NUP214: variants seen among roughly 807,000 people sequenced by gnomAD.
NUP214 encodes nucleoporin 214.
A neutral mutation model predicts 196.2 loss-of-function variants in NUP214; 79 were observed. The ratio of observed to expected loss-of-function variants is 0.40; its 90% confidence interval spans 0.34 to 0.49. NUP214 has a LOEUF of 0.49. Ranked by LOEUF, NUP214 falls within the 20% of genes least tolerant of loss-of-function variation. The pLI is 0.58. For missense variants in NUP214, 2,468 were observed against 2,539.0 expected, an observed-to-expected ratio of 0.97 and a Z score of 0.60; for synonymous variants, 1,020 against 990.5, an observed-to-expected ratio of 1.03 and a Z score of -0.56.
At chr9:131,145,717 C>T (rs1416747117) in intron 12 of NUP214, among the ~76,000 whole-genome samples, 1 of 152,126 alleles carries the variant, frequency 6.6e-6, no homozygotes, top group Non-Finnish European at 1.5e-5. Flanking sequence ...TTTTTCACTC[C>T]CCAGAGAAGG....
At chr9:131,192,941 CAAAAA>C (rs34653431) in intron 27 of NUP214, among the ~76,000 whole-genome samples, 8 of 31,052 alleles carry the variant, frequency 2.6e-4, no homozygotes, top group African/African-American at 4.8e-4. Flanking sequence ...ACCCCGTCTC[CAAAAA>C]AAAAAAAAAA....
Position 131,228,465 on chromosome 9 carries a change from C to T in NUP214, c.6074+134C>T, listed in dbSNP as rs1457719694. On this transcript the variant is annotated intron_variant, in intron 33 of 35. Coordinates refer to ENST00000359428, the MANE Select transcript of NUP214 (RefSeq NM_005085.4). Reference sequence around the variant, plus strand: ...CCTTGAAATTTGTGAACAACTCCCTCAAGGATTCCTGTACCTCTCCAGGGT... The same window carrying T: ...CCTTGAAATTTGTGAACAACTCCCTTAAGGATTCCTGTACCTCTCCAGGGT... 28 of 798,530 alleles carry T rather than the reference C, an allele frequency of 3.5e-5. No homozygotes were observed. In the East Asian group the frequency reaches 9.1e-4, roughly 26 times the overall value. 49.5% of individuals were successfully genotyped at this position (798,530 alleles called of 1,614,324 possible).
At chr9:131,171,516 GTA>G (rs1456548282) in intron 21 of NUP214, among the ~76,000 whole-genome samples, 1 of 149,594 alleles carries the variant, frequency 6.7e-6, no homozygotes, top group Non-Finnish European at 1.5e-5. Context: ...GCTTAAAACA[GTA>G]CCTAGTTGTT....
intron 14 of NUP214, 155 bp from the exon 15 acceptor site, chr9:131,150,169 T>C: frequency 1.5e-6 from 1 of 652,610 alleles, no homozygotes; most frequent in Non-Finnish European, 2.6e-6. Flanking sequence ...GAACATGCCT[T>C]ACACAAAGTA....
chr9:131,233,475 C>T lies in NUP214; in HGVS notation c.6261C>T (p.Gly2087=). The T allele has an allele frequency of 1.2e-6, 2 of 1,613,476 alleles. No homozygotes were observed. Among genetic ancestry groups the T allele is most frequent in the Non-Finnish European group, 1.7e-6 (2 of 1,179,662 alleles). The stretch of plus-strand genomic sequence containing the variant: ...GCAGGTCTGTCCAGGGTTTTGGTGG[C>T]TGGCGAAGCTGAGGGCGTGTCAGCA... The part of the protein sequence containing the change: ...SNNSSVQGFG[G]WRS The change falls in exon 36 of 36, where the codon GGC becomes GGT. Residue 2087 remains glycine (G), a synonymous_variant. Coordinates refer to ENST00000359428, the MANE Select transcript of NUP214 (RefSeq NM_005085.4).
At chr9:131,175,364 T>A in intron 22 of NUP214, 96 bp from the exon 23 acceptor site, 1 of 1,397,122 alleles carries the variant, frequency 7.2e-7, no homozygotes, top group African/African-American at 1.4e-5. Flanking sequence ...ATTTTAGCAT[T>A]TTCCCTGCAG....
intron 9 of NUP214, 115 bp from the exon 10 acceptor site, chr9:131,139,166 T>C: frequency 4.2e-6 from 5 of 1,182,356 alleles, no homozygotes; most frequent in Non-Finnish European, 5.5e-6. Flanking sequence ...ACCAAGTGAG[T>C]CATCTCTGTT....
At chr9:131,139,230 CT>C in intron 9 of NUP214, 50 bp from the exon 10 acceptor site, 2 of 1,425,666 alleles carry the variant, frequency 1.4e-6, no homozygotes, top group Non-Finnish European at 1.8e-6. Flanking sequence ...ACCAACATGG[CT>C]TTTTCTTTTT....
Position 131,128,356 on chromosome 9 carries a change from T to C in NUP214, c.266T>C (p.Val89Ala). The C allele has an allele frequency of 1.2e-6, 2 of 1,613,078 alleles. No homozygotes were observed. The highest frequency in any genetic ancestry group is 1.7e-6 in the Non-Finnish European group (2 of 1,179,420). Residue 89 changes from valine (V) to alanine (A), a missense_variant, in exon 3 of 36, where the codon GTT becomes GCT. Around this residue, in one of 5 missense-constraint regions of NUP214, gnomAD observed 392 missense variants for 417.9 expected, o/e 0.94. Coordinates refer to ENST00000359428, the MANE Select transcript of NUP214 (RefSeq NM_005085.4). ...KIVDKVQGLL[V>A]PMKFPIHHLA... ...GTTGATAAAGTCCAAGGCTTGCTAG[T>C]TCCTATGAAATTCCCAATCCATCAC...
At chr9:131,152,041 TCC>T (rs1467657319) in intron 17 of NUP214, 147 bp downstream of exon 17, 1 of 613,420 alleles carries the variant, frequency 1.6e-6, no homozygotes, top group African/African-American at 1.9e-5. Context: ...CCCGTAAACT[TCC>T]TTAACTGTGG....
At chr9:131,225,654 GCTGCAGAACTCGTATTGGTT>G (rs1834699824) in intron 32 of NUP214, among the ~76,000 whole-genome samples, 1 of 152,198 alleles carries the variant, frequency 6.6e-6, no homozygotes, top group Non-Finnish European at 1.5e-5. Context: ...TCATCTCTCT[GCTGCAGAACTCGTATTGGTT>G]CTGGGAGAGC....
At chr9:131,150,135 G>A in intron 14 of NUP214, 189 bp from the exon 15 acceptor site, 1 of 526,044 alleles carries the variant, frequency 1.9e-6, no homozygotes, top group Non-Finnish European at 3.4e-6. Context: ...TCATCTACTT[G>A]TTCACCTCTA....
At chr9:131,206,193 T>C (rs1476438445) in intron 30 of NUP214, among the ~76,000 whole-genome samples, 2 of 145,952 alleles carry the variant, frequency 1.4e-5, no homozygotes, top group Non-Finnish European at 3.0e-5. Flanking sequence ...TCGTCAAGGC[T>C]GGAGTGCAGT....
At chr9:131,133,566 A>T (rs1331865846) in intron 7 of NUP214, 1 of 161,030 alleles carries the variant, frequency 6.2e-6, no homozygotes, top group East Asian at 1.7e-4. Flanking sequence ...GGCTTCTCAA[A>T]GTGCTGGGAT....
At position 131,195,310 on chromosome 9, in the gene NUP214, T is replaced by A; in HGVS notation, c.3721+16T>A. 1 of 1,600,560 alleles carries A rather than the reference T, an allele frequency of 6.2e-7. No homozygotes were observed. The highest frequency in any genetic ancestry group is 8.6e-7 in the Non-Finnish European group (1 of 1,167,656). On this transcript the variant is annotated intron_variant, in intron 28 of 35. Coordinates refer to ENST00000359428, the MANE Select transcript of NUP214 (RefSeq NM_005085.4). ...GCTGCACAAGGTACAGACTCTGTGT[T>A]GAGTAGCATTACTCATGTGTTTTCT...
chr9:131,154,553 G>A (rs571899233), intron 17 of NUP214, among the ~76,000 whole-genome samples: 1 of 152,228 alleles, frequency 6.6e-6, no homozygotes, highest in Admixed American at 6.5e-5. Flanking sequence ...CACCGTGTTG[G>A]CCAGGCTGGT....
chr9:131,150,382 A>G lies in NUP214; in HGVS notation c.2099A>G (p.Asp700Gly). 1 of 1,614,184 alleles carries G rather than the reference A, an allele frequency of 6.2e-7. No individual in the cohort carries two copies. The highest frequency in any genetic ancestry group is 8.5e-7 in the Non-Finnish European group (1 of 1,180,024). ...EKQGHQWKDS[D>G]PVMAGIGEEI... ...CAGGGACATCAGTGGAAAGATTCAG[A>G]TCCTGTAATGGCTGGAATTGGGGAG... is the stretch of plus-strand genomic sequence containing the variant. Residue 700 changes from aspartate (D) to glycine (G), a missense_variant, in exon 15 of 36, where the codon GAT becomes GGT. Around this residue, in one of 5 missense-constraint regions of NUP214, gnomAD observed 1,801 missense variants for 1,779.4 expected, o/e 1.01. Transcript: ENST00000359428.
intron 30 of NUP214, among the ~76,000 whole-genome samples, chr9:131,208,637 C>T (rs1834149917): frequency 6.6e-6 from 1 of 151,860 alleles, no homozygotes. Context: ...GCAGAGCTTG[C>T]AGTGAGCCGA....
rs557572640 is a variant in NUP214 at position 131,146,041 on chromosome 9, T to C, written c.1770-88T>C. ...CTTTGTAAGTTAACATAAAAGATAA[T>C]AAGTTATCTTTTGATGACATTGCTC... On this transcript the variant is annotated intron_variant, in intron 12 of 35. Transcript: ENST00000359428. The surrounding 1 kb of genome is among the most constrained non-coding windows in gnomAD (Gnocchi z 4.6). 5.8e-6 allele frequency: 7 copies of C among 1,204,296 alleles called. No individual in the cohort carries two copies. Among genetic ancestry groups the C allele is most frequent in the South Asian group, 5.7e-5 (4 of 69,636 alleles). 74.6% of individuals were successfully genotyped at this position (1,204,296 alleles called of 1,614,324 possible).
Sources: allele counts gnomAD v4.1 joint callset (sites outside exome capture counted in the v4.1 genomes callset), GRCh38; gene constraint gnomAD v4.1.1; regional missense constraint gnomAD v4.1.1; non-coding constraint Gnocchi (gnomAD v3.1); transcripts MANE v1.5; gene names NCBI Gene and HGNC (gene_info 2026-07-23, HGNC 2026-07-21).